CDCP1: variants seen among roughly 807,000 people sequenced by gnomAD.
CDCP1 encodes the protein CUB domain-containing protein 1.
Under a neutral mutation model 60.2 loss-of-function variants are expected in CDCP1, and 29 were observed. The ratio of observed to expected loss-of-function variants is 0.48; its 90% CI spans 0.36 to 0.66. The LOEUF (loss-of-function observed/expected upper bound fraction) is 0.66, where lower values mean the gene tolerates loss of function less well. Among genes scored for constraint, CDCP1 ranks in the 30% least tolerant of loss-of-function variants. CDCP1 has a pLI of 0.00. For missense variants in CDCP1, 876 were observed against 1,074.3 expected (o/e 0.82, Z 2.58); for synonymous variants, 387 against 431.1 (o/e 0.90, Z 1.27).
At chr3:45,133,344 G>A (rs1211273949) in intron 1 of CDCP1, among the ~76,000 whole-genome samples, 2 of 151,230 alleles carry the variant, frequency 1.3e-5, no homozygotes, top group African/African-American at 4.9e-5. Context: ...CTGGACTTCC[G>A]ACCTACAGAA....
chr3:45,120,124 C>T (rs1264624736), intron 1 of CDCP1, among the ~76,000 whole-genome samples: 1 of 152,186 alleles, frequency 6.6e-6, no homozygotes, highest in Non-Finnish European at 1.5e-5. Context: ...TTGGACGAGC[C>T]ATGTGCTATA....
At chr3:45,146,439 G>T (rs1322746155), upstream of CDCP1, 3 of 567,898 alleles carry the variant, frequency 5.3e-6, no homozygotes, top group African/African-American at 4.0e-5. Context: ...GCAGGATCGC[G>T]AGCTGACCCG....
At chr3:45,106,818 C>T (rs775360839) in intron 4 of CDCP1, among the ~76,000 whole-genome samples, 19 of 152,166 alleles carry the variant, frequency 1.2e-4, no homozygotes, top group Non-Finnish European at 2.1e-4. Flanking sequence ...GAGGGGGAAA[C>T]TAGCCCCAGG....
chr3:45,134,114 A>G (rs1235793997), intron 1 of CDCP1, among the ~76,000 whole-genome samples: 2 of 150,252 alleles, frequency 1.3e-5, no homozygotes, highest in Non-Finnish European at 3.0e-5. Flanking sequence ...AAGGGGAGAA[A>G]CCCATGTTTT....
intron 1 of CDCP1, among the ~76,000 whole-genome samples, chr3:45,134,264 A>C (rs1340879242): frequency 6.6e-6 from 1 of 151,974 alleles, no homozygotes; most frequent in East Asian, 1.9e-4. Context: ...AGCTGAGACT[A>C]CAGGCGCCCG....
At chr3:45,098,850 C>T in intron 4 of CDCP1, among the ~76,000 whole-genome samples, 1 of 152,238 alleles carries the variant, frequency 6.6e-6, no homozygotes, top group East Asian at 1.9e-4. Context: ...TCATTTTAAT[C>T]ATTTCCTTAG....
chr3:45,129,907 C>G (rs1699058799), intron 1 of CDCP1, among the ~76,000 whole-genome samples: 1 of 151,930 alleles, frequency 6.6e-6, no homozygotes, highest in Admixed American at 6.6e-5. Context: ...TTCAAGAAGA[C>G]AAAACCAATC....
intron 1 of CDCP1, chr3:45,139,604 G>C (rs13070735): frequency 0.12 from 18,148 of 152,256 alleles, 1,206 homozygotes; most frequent in Non-Finnish European, 0.14. Flanking sequence ...ATAGTGACCG[G>C]GAGAGCCTGG....
chr3:45,114,581 A>AT (rs757264280), intron 2 of CDCP1, among the ~76,000 whole-genome samples: 3 of 151,520 alleles, frequency 2.0e-5, no homozygotes, highest in East Asian at 3.9e-4. Context: ...TGCCTGGGTA[A>AT]TTTCTTTTGT....
chr3:45,129,925 G>C (rs1457515363), intron 1 of CDCP1, among the ~76,000 whole-genome samples: 1 of 152,058 alleles, frequency 6.6e-6, no homozygotes, highest in African/African-American at 2.4e-5. Flanking sequence ...ATCTGTGCTT[G>C]TATGTCAGAA....
chr3:45,120,827 G>A (rs1405833707), intron 1 of CDCP1, among the ~76,000 whole-genome samples: 1 of 152,040 alleles, frequency 6.6e-6, no homozygotes, highest in African/African-American at 2.4e-5. Context: ...GAAAAAGCTG[G>A]CTCCTTGTTG....
At chr3:45,134,370 C>T (rs1436726100) in intron 1 of CDCP1, among the ~76,000 whole-genome samples, 5 of 152,178 alleles carry the variant, frequency 3.3e-5, no homozygotes, top group African/African-American at 1.2e-4. Flanking sequence ...GTGATCTCCC[C>T]GCCTTGGCCT....
At position 45,095,488 on chromosome 3, in the gene CDCP1, T is replaced by G; in HGVS notation, c.1105A>C (p.Lys369Gln). The stretch of plus-strand genomic sequence containing the variant: ...CACACGAAACAGCCAGGGACAAACT[T>G]GCGGCTCTGTTTGACGGGCCGTGGC... ...IEPRPVKQSR[K>Q]FVPGCFVCLE... is the part of the protein sequence containing the mutation. The change falls in exon 5 of 9, where the codon AAG (lysine) becomes CAG (glutamine). Residue 369 changes from lysine (K) to glutamine (Q), a missense_variant. Physicochemically the swap from Lys to Gln is moderately conservative, Grantham distance 53 (BLOSUM62 1). Transcript: ENST00000296129. 6.2e-7 allele frequency: 1 copy of G among 1,614,142 alleles called. No individual in the cohort carries two copies.
Position 45,085,528 on chromosome 3 carries a change from C to G in CDCP1, c.*110G>C. 8.7e-7 allele frequency: 1 copy of G among 1,152,446 alleles called. No individual in the cohort carries two copies. Among genetic ancestry groups the G allele is most frequent in the Non-Finnish European group, 1.2e-6 (1 of 803,714 alleles). The allele number at this position is 1,152,446 out of a possible 1,614,324, so 71.4% of individuals were successfully genotyped here. A position where few individuals can be genotyped will look rare whatever the true frequency, so the allele number is the denominator to read the frequency against. On this transcript the variant is annotated 3_prime_UTR_variant, in exon 9 of 9. Coordinates refer to ENST00000296129, the MANE Select transcript of CDCP1 (RefSeq NM_022842.5). This position sits in a 1 kb window ranked among gnomAD's most constrained non-coding sequence, Gnocchi z 4.2. ...TGGCGGTGTCCAGGAAAACCTCCTG[C>G]TGTTCCTTCTGTATAATTCCTCTTC...
At chr3:45,122,240 C>T (rs1379009224) in intron 1 of CDCP1, among the ~76,000 whole-genome samples, 1 of 149,540 alleles carries the variant, frequency 6.7e-6, no homozygotes, top group African/African-American at 2.5e-5. Flanking sequence ...GCCTCCTGGG[C>T]TCAAGCTATT....
At position 45,091,955 on chromosome 3, in the gene CDCP1, G is replaced by T. The variant is rs575457304; in HGVS notation, c.1628-417C>A. On this transcript the variant is annotated intron_variant, in intron 6 of 8. Coordinates refer to ENST00000296129, the MANE Select transcript of CDCP1 (RefSeq NM_022842.5). This position sits in a 1 kb window ranked among gnomAD's most constrained non-coding sequence, Gnocchi z 4.8. ...ACTACAGGCATGAGCCACCATGACC[G>T]GCTAATTTTTTGTATTTTTAGTAGA... 1.3e-5 allele frequency among the ~76,000 whole-genome samples: 2 copies of T among 152,140 alleles called. No homozygotes were observed. The highest frequency in any genetic ancestry group is 3.9e-4 in the East Asian group (2 of 5,162).
chr3:45,087,508 G>A (rs770775811), intron 8 of CDCP1, among the ~76,000 whole-genome samples: 4 of 152,144 alleles, frequency 2.6e-5, no homozygotes, highest in African/African-American at 9.7e-5. Context: ...GGGCTATTCC[G>A]TGCACCGCAG....
chr3:45,097,606 G>A (rs574676609), intron 4 of CDCP1, among the ~76,000 whole-genome samples: 12 of 151,698 alleles, frequency 7.9e-5, no homozygotes, highest in Non-Finnish European at 1.0e-4. Context: ...ACCCATCAGC[G>A]CCGGCGAATG....
In CDCP1 at chr3:45,096,623, C is replaced by CAAAA. The variant is rs5848726; in HGVS notation, c.1025-1059_1025-1056dup. Among the ~76,000 whole-genome samples, 161 of 53,128 alleles carry CAAAA rather than the reference C, an allele frequency of 3.0e-3. 7 individuals are homozygous for CAAAA. The highest frequency in any genetic ancestry group is 4.0e-3 in the Non-Finnish European group (123 of 31,024). The allele number at this position is 53,128 out of a possible 152,430, so 34.9% of individuals were successfully genotyped here. A position where few individuals can be genotyped will look rare whatever the true frequency, so the allele number is the denominator to read the frequency against. On this transcript the variant is annotated intron_variant, in intron 4 of 8. Transcript: ENST00000296129. ...CTAGTGACAGAGCAAGACTCCGTCT[C>CAAAA]AAAAAAAAAAAAAAAAAAAAAAAAG...
Sources: allele counts gnomAD v4.1 joint callset (sites outside exome capture counted in the v4.1 genomes callset), GRCh38; gene constraint gnomAD v4.1.1; non-coding constraint Gnocchi (gnomAD v3.1); transcripts MANE v1.5; gene names NCBI Gene and HGNC (gene_info 2026-07-23, HGNC 2026-07-21).